HMCN2: variants seen among roughly 807,000 people sequenced by gnomAD.
HMCN2 encodes hemicentin 2.
HMCN2 carries 325 observed loss-of-function variants against 377.5 expected under a neutral mutation model. The ratio of observed to expected loss-of-function variants is 0.86; its 90% CI spans 0.79 to 0.94. The LOEUF (loss-of-function observed/expected upper bound fraction) is 0.94. Among genes scored for constraint, HMCN2 ranks in the 40% least tolerant of loss-of-function variants. The pLI is 0.00. For synonymous variants in HMCN2, 2,007 were observed against 2,046.8 expected (o/e 0.98, Z 0.53); for missense variants, 4,543 against 4,725.3 (o/e 0.96, Z 1.13).
intron 62 of HMCN2, among the ~76,000 whole-genome samples, chr9:130,390,235 T>C (rs1260725108): frequency 1.3e-5 from 2 of 152,078 alleles, no homozygotes; most frequent in African/African-American, 4.8e-5. Flanking sequence ...ATTCACCACC[T>C]CTGGAAGCCC....
At chr9:130,389,742 T>C (rs1842209563) in intron 62 of HMCN2, among the ~76,000 whole-genome samples, 1 of 151,968 alleles carries the variant, frequency 6.6e-6, no homozygotes, top group Admixed American at 6.5e-5. Flanking sequence ...GCCCAGCTAA[T>C]GTTTGTATTT....
At chr9:130,280,778 C>A (rs782307871) in intron 1 of HMCN2, among the ~76,000 whole-genome samples, 19 of 151,964 alleles carry the variant, frequency 1.3e-4, no homozygotes, top group Non-Finnish European at 2.6e-4. Flanking sequence ...AGGTTATATA[C>A]AAAAATGAAA....
chr9:130,393,640 G>T lies in HMCN2; in HGVS notation c.10235-102G>T. On this transcript the variant is annotated intron_variant, in intron 67 of 97. Coordinates refer to ENST00000683500, the MANE Select transcript of HMCN2 (RefSeq NM_001291815.2). This position sits in a 1 kb window ranked among gnomAD's most constrained non-coding sequence, Gnocchi z 5.2. Reference sequence around the variant, plus strand: ...AGGAGGGCACCTCACCTGGCCTTGGGGGACCAGGGCGGCTTCCTGGAAGAG... The same window carrying T: ...AGGAGGGCACCTCACCTGGCCTTGGTGGACCAGGGCGGCTTCCTGGAAGAG... 9.1e-7 allele frequency: 1 copy of T among 1,098,342 alleles called. No individual in the cohort carries two copies. The allele number at this position is 1,098,342 out of a possible 1,614,324, so 68.0% of individuals were successfully genotyped here.
chr9:130,331,179 G>A (rs878930807), intron 22 of HMCN2, among the ~76,000 whole-genome samples: 35,012 of 150,392 alleles, frequency 0.23, 4,189 homozygotes, highest in African/African-American at 0.28. Context: ...AAAGGACAAA[G>A]TAACATTCCA....
intron 4 of HMCN2, 59 bp downstream of exon 4, chr9:130,286,369 T>G (rs1341354875): frequency 5.2e-5 from 24 of 460,910 alleles, no homozygotes; most frequent in Middle Eastern, 3.3e-4. Flanking sequence ...GTGAGGACAC[T>G]GACCATCCCT....
chr9:130,348,956 C>T (rs1012284367), intron 27 of HMCN2, 28 bp from the exon 28 acceptor site: 2 of 1,298,164 alleles, frequency 1.5e-6, no homozygotes, highest in Non-Finnish European at 2.0e-6. Flanking sequence ...TCCCCTCTTA[C>T]TGGCTCCCTC....
At position 130,433,440 on chromosome 9, in the gene HMCN2, C is replaced by T. The variant is rs1271398438; in HGVS notation, c.14987C>T (p.Ala4996Val). ...CTGCCGCTGCCCCTGGGCGTGCGCG[C>T]CCACCACGACGTGGCCCGCCTCACC... ...RLLPLPLGVRAHHDVARLTAF... is the reference protein window; with the variant it reads ...RLLPLPLGVRVHHDVARLTAF... The change falls in exon 98 of 98, where the codon GCC (alanine) becomes GTC (valine). Residue 4996 changes from alanine (A) to valine (V), a missense_variant. Ala to Val is a moderately conservative substitution (Grantham distance 64). Transcript: ENST00000683500. 1 of 1,496,966 alleles carries T rather than the reference C, an allele frequency of 6.7e-7. No individual in the cohort carries two copies. The highest frequency in any genetic ancestry group is 2.2e-5 in the Admixed American group (1 of 46,072). The allele number at this position is 1,496,966 out of a possible 1,614,324, so 92.7% of individuals were successfully genotyped here.
intron 60 of HMCN2, 90 bp downstream of exon 60, chr9:130,385,852 G>C: frequency 1.1e-6 from 1 of 895,216 alleles, no homozygotes; most frequent in Non-Finnish European, 1.6e-6. Context: ...AGGTGGGCAG[G>C]ATGTGAGTTG....
intron 31 of HMCN2, among the ~76,000 whole-genome samples, chr9:130,354,115 A>G (rs1839891499): frequency 6.6e-6 from 1 of 152,310 alleles, no homozygotes; most frequent in South Asian, 2.1e-4. Context: ...TTAAATTTTC[A>G]AAGCGTCTTA....
At chr9:130,371,723 T>A (rs1037061374) in intron 46 of HMCN2, among the ~76,000 whole-genome samples, 3 of 152,224 alleles carry the variant, frequency 2.0e-5, no homozygotes, top group African/African-American at 7.2e-5. Context: ...TGGTAAGAAT[T>A]GCCGGGTGCA....
chr9:130,278,097 C>A (rs1488367578), intron 1 of HMCN2, among the ~76,000 whole-genome samples: 3 of 152,122 alleles, frequency 2.0e-5, no homozygotes, highest in Admixed American at 6.5e-5. Flanking sequence ...CCACCACTAT[C>A]ATCATTGTTT....
intron 15 of HMCN2, among the ~76,000 whole-genome samples, chr9:130,311,181 G>T (rs1479002484): frequency 6.6e-6 from 1 of 152,260 alleles, no homozygotes; most frequent in Non-Finnish European, 1.5e-5. Flanking sequence ...AGAGAGGCAG[G>T]TGCTAGAGTT....
chr9:130,314,325 C>T (rs970904998), intron 15 of HMCN2, among the ~76,000 whole-genome samples: 25 of 152,322 alleles, frequency 1.6e-4, no homozygotes, highest in African/African-American at 5.8e-4. Flanking sequence ...GAAGGCCCTG[C>T]ACTTGTAGGG....
At position 130,388,463 on chromosome 9, in the gene HMCN2, G is replaced by GC; in HGVS notation, c.9451dup (p.Leu3151ProfsTer6). 1 of 987,974 alleles carries GC rather than the reference G, an allele frequency of 1.0e-6. No homozygotes were observed. Among genetic ancestry groups the GC allele is most frequent in the Non-Finnish European group, 1.2e-6 (1 of 830,104 alleles). 61.2% of individuals were successfully genotyped at this position (987,974 alleles called of 1,614,324 possible). A position where few individuals can be genotyped will look rare whatever the true frequency, so the allele number is the denominator to read the frequency against. Reference sequence around the variant, plus strand: ...GAGACAGTGAGCCAGGTGGCTGGGAGCCCCCTGGTCCTGACCTGTGATGTG... The same window carrying GC: ...GAGACAGTGAGCCAGGTGGCTGGGAGCCCCCCTGGTCCTGACCTGTGATGTG... On this transcript the variant is annotated frameshift_variant, in exon 62 of 98. Transcript: ENST00000683500. LOFTEE classifies it high-confidence loss of function.
At chr9:130,383,622 G>A (rs146340217) in intron 57 of HMCN2, 22 bp downstream of exon 57, 122 of 978,906 alleles carry the variant, frequency 1.2e-4, no homozygotes, top group Admixed American at 6.1e-4. Flanking sequence ...TGAGCAGGCA[G>A]CCCCTGTGGG....
At chr9:130,431,903 T>G (rs1844781954) in intron 96 of HMCN2, among the ~76,000 whole-genome samples, 1 of 152,174 alleles carries the variant, frequency 6.6e-6, no homozygotes, top group South Asian at 2.1e-4. Flanking sequence ...AGTAAGTGCC[T>G]CTAACTCCCA....
At chr9:130,412,857 G>C (rs1843502384) in intron 85 of HMCN2, among the ~76,000 whole-genome samples, 1 of 152,178 alleles carries the variant, frequency 6.6e-6, no homozygotes, top group Admixed American at 6.5e-5. Context: ...TTACAGGCAG[G>C]AGCCACTGGG....
chr9:130,388,324 C>A, intron 61 of HMCN2, 85 bp from the exon 62 acceptor site: 1 of 929,652 alleles, frequency 1.1e-6, no homozygotes, highest in South Asian at 4.9e-5. Context: ...CCAGGAAGGG[C>A]TTCTTAGGCC....
chr9:130,292,720 T>C (rs1835853597), intron 4 of HMCN2, among the ~76,000 whole-genome samples: 1 of 152,224 alleles, frequency 6.6e-6, no homozygotes, highest in South Asian at 2.1e-4. Flanking sequence ...TGGGAGCTCC[T>C]TCAAGCTGGT....
Sources: allele counts gnomAD v4.1 joint callset (sites outside exome capture counted in the v4.1 genomes callset), GRCh38; gene constraint gnomAD v4.1.1; non-coding constraint Gnocchi (gnomAD v3.1); transcripts MANE v1.5; gene names NCBI Gene and HGNC (gene_info 2026-07-23, HGNC 2026-07-21).